The following GIMAP2 variants were observed in gnomAD, a reference collection of about 807,000 sequenced individuals.
The protein encoded by GIMAP2 is GTPase, IMAP family member 2, also known as GTPase IMAP family member 2.
GIMAP2 carries 22 observed loss-of-function variants against 25.5 expected under a neutral mutation model. The ratio of observed to expected loss-of-function variants is 0.86; its 90% CI spans 0.62 to 1.23. GIMAP2 has a LOEUF of 1.23. GIMAP2 is among the 50% of genes most tolerant of loss of function. GIMAP2 has a pLI of 0.00. For synonymous variants in GIMAP2, 167 were observed against 143.0 expected, an observed-to-expected ratio of 1.17 and a Z score of -1.20; for missense variants, 422 against 395.7, an observed-to-expected ratio of 1.07 and a Z score of -0.56.
Position 150,692,531 on chromosome 7 carries a change from T to A in GIMAP2, c.245T>A (p.Phe82Tyr). The A allele has an allele frequency of 6.2e-7, 1 of 1,614,116 alleles. No individual in the cohort carries two copies. The highest frequency in any genetic ancestry group is 8.5e-7 in the Non-Finnish European group (1 of 1,180,012). ...EIVIIDTPDM[F>Y]SWKDHCEALY... ...GTCATTATTGACACACCAGATATGT[T>A]TTCTTGGAAGGACCACTGTGAAGCT... Residue 82 changes from phenylalanine (F) to tyrosine (Y), a missense_variant, in exon 3 of 3, where the codon TTT (phenylalanine) becomes TAT (tyrosine). Coordinates refer to ENST00000223293, the MANE Select transcript of GIMAP2 (RefSeq NM_015660.3).
intron 2 of GIMAP2, chr7:150,689,626 C>T (rs1395189570): frequency 1.5e-6 from 1 of 685,606 alleles, no homozygotes; most frequent in South Asian, 1.5e-5. Flanking sequence ...TACAAGTGTC[C>T]ATTGCATGTC....
Position 150,687,262 on chromosome 7 carries a change from CTTTGTTTGTTTG to C in GIMAP2, c.28+191_28+202del, listed in dbSNP as rs146938233. On this transcript the variant is annotated intron_variant, in intron 2 of 2. Transcript: ENST00000223293. Reference sequence around the variant, plus strand: ...GCTGAAAATTGTGGGGTTTTGTTTTCTTTGTTTGTTTGTTTGTTTGTTTGTTTTGAGACAGTG... The same window carrying C: ...GCTGAAAATTGTGGGGTTTTGTTTTCTTTGTTTGTTTGTTTTGAGACAGTG... The C allele has an allele frequency of 1.8e-5, 10 of 554,682 alleles. No individual in the cohort carries two copies. In the Middle Eastern group the frequency reaches 1.5e-3, roughly 84 times the overall value. The allele number at this position is 554,682 out of a possible 1,614,324, so 34.4% of individuals were successfully genotyped here.
At position 150,687,063 on chromosome 7, in the gene GIMAP2, G is replaced by A. The variant is rs930257867; in HGVS notation, c.4G>A (p.Asp2Asn). Residue 2 changes from aspartate to asparagine, a missense_variant, in exon 2 of 3, where the codon GAC (aspartate) becomes AAC (asparagine). Coordinates refer to ENST00000223293, the MANE Select transcript of GIMAP2 (RefSeq NM_015660.3). ...TCTCTGTTTCTCAGGAACACCAATGGACCAAAATGAACACAGTCACTGGGG... is the reference window on the plus strand; with the variant it reads ...TCTCTGTTTCTCAGGAACACCAATGAACCAAAATGAACACAGTCACTGGGG... M[D>N]QNEHSHWGPH... 1 of 1,610,318 alleles carries A rather than the reference G, an allele frequency of 6.2e-7. No individual in the cohort carries two copies. The highest frequency in any genetic ancestry group is 8.5e-7 in the Non-Finnish European group (1 of 1,177,938).
intron 2 of GIMAP2, among the ~76,000 whole-genome samples, chr7:150,691,220 T>A (rs1487602812): frequency 1.3e-5 from 2 of 152,238 alleles, no homozygotes; most frequent in African/African-American, 4.8e-5. Context: ...CAAAGCTGCA[T>A]CTTGGTTCTT....
At chr7:150,687,224 A>G in intron 2 of GIMAP2, 137 bp downstream of exon 2, 2 of 713,474 alleles carry the variant, frequency 2.8e-6, no homozygotes, top group East Asian at 5.6e-5. Flanking sequence ...TCCCACAGCT[A>G]CCACCACCAG....
At position 150,692,899 on chromosome 7, in the gene GIMAP2, C is replaced by A. The variant is rs1796985858; in HGVS notation, c.613C>A (p.Leu205Met). 1.2e-6 allele frequency: 2 copies of A among 1,614,010 alleles called. No individual in the cohort carries two copies. The highest frequency in any genetic ancestry group is 1.7e-5 in the Admixed American group (1 of 59,994). Residue 205 changes from leucine (L) to methionine (M), a missense_variant, in exon 3 of 3, where the codon CTG becomes ATG. By Grantham distance (15) the Leu-to-Met change is conservative (BLOSUM62 2). Coordinates refer to ENST00000223293, the MANE Select transcript of GIMAP2 (RefSeq NM_015660.3). The part of the protein sequence containing the change: ...VKELMDCIED[L>M]LMEKNGDHYT... ...GGAACTAATGGACTGTATTGAGGAT[C>A]TGTTGATGGAGAAAAATGGTGATCA...
Position 150,692,368 on chromosome 7 carries a change from G to A in GIMAP2, c.82G>A (p.Val28Met). The A allele has an allele frequency of 6.2e-7, 1 of 1,614,124 alleles. No homozygotes were observed. Among genetic ancestry groups the A allele is most frequent in the Non-Finnish European group, 8.5e-7 (1 of 1,179,968 alleles). The stretch of plus-strand genomic sequence containing the variant: ...CAGATCTGAGCTGAGAATCATCCTG[G>A]TGGGCAAAACAGGAACTGGCAAAAG... ...ASRSELRIIL[V>M]GKTGTGKSAA... is the part of the protein sequence containing the mutation. The change falls in exon 3 of 3, where the codon GTG becomes ATG. Residue 28 changes from valine (V) to methionine (M), a missense_variant. Coordinates refer to ENST00000223293, the MANE Select transcript of GIMAP2 (RefSeq NM_015660.3).
In GIMAP2 at chr7:150,691,286, T is replaced by C. The variant is rs558523240; in HGVS notation, c.29-1029T>C. 4.6e-5 allele frequency among the ~76,000 whole-genome samples: 7 copies of C among 152,302 alleles called. No individual in the cohort carries two copies. In the East Asian group the frequency reaches 1.2e-3, roughly 25 times the overall value. On this transcript the variant is annotated intron_variant, in intron 2 of 2. Coordinates refer to ENST00000223293, the MANE Select transcript of GIMAP2 (RefSeq NM_015660.3). ...ATCACTGCCATGTGGACCAGCGAAATGGCACCATGGCTCCTATGCCTTCCC... is the reference window on the plus strand; with the variant it reads ...ATCACTGCCATGTGGACCAGCGAAACGGCACCATGGCTCCTATGCCTTCCC...
chr7:150,693,037 A>G lies in GIMAP2; in HGVS notation c.751A>G (p.Arg251Gly), dbSNP rs142845786. The change falls in exon 3 of 3, where the codon AGA (arginine) becomes GGA (glycine). Residue 251 changes from arginine to glycine, a missense_variant. Physicochemically the swap from Arg to Gly is moderately radical, Grantham distance 125 (BLOSUM62 -2). Transcript: ENST00000223293. Reference sequence around the variant, plus strand: ...CCTTATAAAGTACATGGAAACTCAAAGAAGTTACACAGCCTTGGCTGAAGC... The same window carrying G: ...CCTTATAAAGTACATGGAAACTCAAGGAAGTTACACAGCCTTGGCTGAAGC... Reference protein sequence around the residue: ...QSLIKYMETQRSYTALAEANC... With the variant: ...QSLIKYMETQGSYTALAEANC... 875 of 1,614,208 alleles carry G rather than the reference A, an allele frequency of 5.4e-4. No homozygotes were observed. The highest frequency in any genetic ancestry group is 7.2e-4 in the Non-Finnish European group (846 of 1,180,020).
rs1437532126 is a variant in GIMAP2, at chr7:150,692,602, C to G, written c.316C>G (p.Pro106Ala). The part of the protein sequence containing the change: ...QRCYLLSAPG[P>A]HVLLLVTQLG... ...GTGCTACTTGCTGTCTGCACCAGGA[C>G]CCCATGTGCTGCTCCTGGTGACTCA... The change falls in exon 3 of 3, where the codon CCC becomes GCC. Residue 106 changes from proline to alanine, a missense_variant. Transcript: ENST00000223293. 6.2e-7 allele frequency: 1 copy of G among 1,613,838 alleles called. No homozygotes were observed. The highest frequency in any genetic ancestry group is 2.2e-5 in the East Asian group (1 of 44,870).
chr7:150,692,381 G>C lies in GIMAP2; in HGVS notation c.95G>C (p.Gly32Ala). 3.1e-6 allele frequency: 5 copies of C among 1,614,208 alleles called. No individual in the cohort carries two copies. Among genetic ancestry groups the C allele is most frequent in the Non-Finnish European group, 3.4e-6 (4 of 1,180,014 alleles). The change falls in exon 3 of 3, where the codon GGA becomes GCA. Residue 32 changes from glycine (G) to alanine (A), a missense_variant. Physicochemically the swap from Gly to Ala is moderately conservative, Grantham distance 60. Coordinates refer to ENST00000223293, the MANE Select transcript of GIMAP2 (RefSeq NM_015660.3). The stretch of plus-strand genomic sequence containing the variant: ...AGAATCATCCTGGTGGGCAAAACAG[G>C]AACTGGCAAAAGTGCTGCAGGGAAC... ...ELRIILVGKT[G>A]TGKSAAGNSI...
chr7:150,692,592 T>C lies in GIMAP2; in HGVS notation c.306T>C (p.Ser102=), dbSNP rs756109142. 1 of 1,614,126 alleles carries C rather than the reference T, an allele frequency of 6.2e-7. No homozygotes were observed. The highest frequency in any genetic ancestry group is 8.5e-7 in the Non-Finnish European group (1 of 1,179,994). The part of the protein sequence containing the change: ...YKEVQRCYLL[S]APGPHVLLLV... ...AGGTGCAGAGGTGCTACTTGCTGTC[T>C]GCACCAGGACCCCATGTGCTGCTCC... Residue 102 remains serine, a synonymous_variant, in exon 3 of 3, where the codon TCT becomes TCC. Transcript: ENST00000223293.
At chr7:150,687,528 G>C (rs994657476) in intron 2 of GIMAP2, 3 of 154,746 alleles carry the variant, frequency 1.9e-5, no homozygotes, top group African/African-American at 7.2e-5. Context: ...ACCCGCCTCA[G>C]CCTCCCAAAG....
chr7:150,690,473 C>T (rs138413980), intron 2 of GIMAP2, among the ~76,000 whole-genome samples: 1 of 152,154 alleles, frequency 6.6e-6, no homozygotes, highest in Non-Finnish European at 1.5e-5. Flanking sequence ...GCACCTAACC[C>T]TAAATCATAT....
At position 150,692,452 on chromosome 7, in the gene GIMAP2, A is replaced by G. The variant is rs1480981639; in HGVS notation, c.166A>G (p.Thr56Ala). ...ATTTGAATCGAAGCTGGGTTCCCAG[A>G]CCTTGACTAAGACTTGCAGCAAAAG... ...QAFESKLGSQ[T>A]LTKTCSKSQG... The change falls in exon 3 of 3, where the codon ACC becomes GCC. Residue 56 changes from threonine to alanine, a missense_variant. Thr to Ala is a moderately conservative substitution (Grantham distance 58, BLOSUM62 0). Coordinates refer to ENST00000223293, the MANE Select transcript of GIMAP2 (RefSeq NM_015660.3). 1.2e-6 allele frequency: 2 copies of G among 1,614,074 alleles called. No homozygotes were observed. Among genetic ancestry groups the G allele is most frequent in the African/African-American group, 1.3e-5 (1 of 74,930 alleles).
chr7:150,688,954 G>A (rs1383065127), intron 2 of GIMAP2, among the ~76,000 whole-genome samples: 6 of 152,150 alleles, frequency 3.9e-5, no homozygotes, highest in Non-Finnish European at 7.3e-5. Context: ...ATTGCACTCC[G>A]CTTGCCATAC....
intron 2 of GIMAP2, among the ~76,000 whole-genome samples, chr7:150,691,982 C>A (rs552161398): frequency 4.3e-4 from 66 of 152,136 alleles, no homozygotes; most frequent in African/African-American, 1.6e-3. Flanking sequence ...GTAATCCCAG[C>A]ACTTTGGGAG....
At chr7:150,689,627 A>G (rs1320847414) in intron 2 of GIMAP2, 3 of 686,168 alleles carry the variant, frequency 4.4e-6, no homozygotes, top group Admixed American at 2.0e-5. Context: ...ACAAGTGTCC[A>G]TTGCATGTCT....
In GIMAP2 at chr7:150,692,089, G is replaced by T. The variant is rs147289031; in HGVS notation, c.29-226G>T. ...AAAAAAAAAAAAATTAGCGGGATGC[G>T]GTGGCGGGCATCTGTAGTCCCAGCT... On this transcript the variant is annotated intron_variant, in intron 2 of 2. Coordinates refer to ENST00000223293, the MANE Select transcript of GIMAP2 (RefSeq NM_015660.3). 1.4e-3 allele frequency among the ~76,000 whole-genome samples: 215 copies of T among 151,900 alleles called. 3 individuals are homozygous for T. The highest frequency in any genetic ancestry group is 4.9e-3 in the African/African-American group (204 of 41,416).
Sources: allele counts gnomAD v4.1 joint callset (sites outside exome capture counted in the v4.1 genomes callset), GRCh38; gene constraint gnomAD v4.1.1; transcripts MANE v1.5; gene names NCBI Gene and HGNC (gene_info 2026-07-23, HGNC 2026-07-21).